Variants in TMEM131 observed in about 807,000 individuals in gnomAD.
TMEM131 encodes 2610524E03Rik.
A neutral mutation model predicts 211.6 loss-of-function variants in TMEM131; 66 were observed. That is an observed-to-expected ratio of 0.31 (90% CI 0.26 to 0.38). TMEM131 has a LOEUF of 0.38. Among genes scored for constraint, TMEM131 ranks in the 10% least tolerant of loss-of-function variants. The pLI, the probability that TMEM131 is intolerant of heterozygous loss-of-function variation, is 1.00. For missense variants in TMEM131, 2,036 were observed against 2,299.3 expected (o/e 0.89, Z 2.34); for synonymous variants, 844 against 841.3 (o/e 1.00, Z -0.06).
chr2:97,801,851 T>C (rs766482651), intron 25 of TMEM131, 44 bp downstream of exon 25: 9 of 1,391,038 alleles, frequency 6.5e-6, no homozygotes, highest in Non-Finnish European at 7.9e-6. Context: ...TTGATCATAT[T>C]ATAAAATAAT....
At chr2:97,772,533 T>C in intron 32 of TMEM131, 109 bp from the exon 33 acceptor site, 1 of 1,251,324 alleles carries the variant, frequency 8.0e-7, no homozygotes, top group Non-Finnish European at 1.1e-6. Flanking sequence ...ATACACATCA[T>C]ATACGTAAAA....
chr2:97,824,822 T>C (rs1573417557), intron 11 of TMEM131, among the ~76,000 whole-genome samples: 2 of 152,306 alleles, frequency 1.3e-5, no homozygotes, highest in African/African-American at 4.8e-5. Flanking sequence ...GCTCAAAGCT[T>C]AGTAAGGAAA....
At chr2:97,922,101 A>G (rs1167975867) in intron 2 of TMEM131, among the ~76,000 whole-genome samples, 1 of 152,204 alleles carries the variant, frequency 6.6e-6, no homozygotes, top group Non-Finnish European at 1.5e-5. Context: ...TGGTTTCAGA[A>G]TAATACTGTT....
At chr2:97,801,292 A>G (rs1449525738) in intron 25 of TMEM131, among the ~76,000 whole-genome samples, 1 of 152,254 alleles carries the variant, frequency 6.6e-6, no homozygotes, top group Non-Finnish European at 1.5e-5. Context: ...CCAAGTGTTA[A>G]GTTCCCAACA....
At chr2:97,841,975 T>C in intron 6 of TMEM131, 38 bp from the exon 7 acceptor site, 1 of 1,461,348 alleles carries the variant, frequency 6.8e-7, no homozygotes. Context: ...TTTTAGTTGC[T>C]TTTATAATTA....
intron 1 of TMEM131, among the ~76,000 whole-genome samples, chr2:97,960,773 T>A (rs1029564759): frequency 6.6e-6 from 1 of 152,070 alleles, no homozygotes; most frequent in African/African-American, 2.4e-5. Context: ...ACATAAAAAA[T>A]GCTTAAAGGT....
chr2:97,958,190 AG>A (rs1308699677), intron 1 of TMEM131, among the ~76,000 whole-genome samples: 1 of 152,158 alleles, frequency 6.6e-6, no homozygotes, highest in African/African-American at 2.4e-5. Context: ...GAGGCTGGAG[AG>A]GGGGGCAGAA....
At chr2:97,978,059 C>T (rs1238288259) in intron 1 of TMEM131, among the ~76,000 whole-genome samples, 1 of 152,012 alleles carries the variant, frequency 6.6e-6, no homozygotes, top group South Asian at 2.1e-4. Flanking sequence ...TGCACTCCAG[C>T]CTGGGTGACA....
chr2:97,868,214 A>C (rs557559779), intron 4 of TMEM131, among the ~76,000 whole-genome samples: 1 of 152,162 alleles, frequency 6.6e-6, no homozygotes, highest in East Asian at 1.9e-4. Context: ...ACTTTGTCCA[A>C]ATTAACACAG....
intron 1 of TMEM131, among the ~76,000 whole-genome samples, chr2:97,953,734 A>G (rs1161916863): frequency 1.3e-5 from 2 of 152,186 alleles, no homozygotes; most frequent in East Asian, 3.8e-4. Context: ...TGGACCATGC[A>G]CCAGGACAGA....
At chr2:97,797,007 C>T in intron 26 of TMEM131, 21 bp from the exon 27 acceptor site, 1 of 1,602,566 alleles carries the variant, frequency 6.2e-7, no homozygotes, top group East Asian at 2.2e-5. Context: ...ATGAGAATTA[C>T]AGATTTTTCT....
At chr2:97,965,132 T>A (rs1678994930) in intron 1 of TMEM131, among the ~76,000 whole-genome samples, 1 of 152,138 alleles carries the variant, frequency 6.6e-6, no homozygotes, top group Non-Finnish European at 1.5e-5. Flanking sequence ...AACATCTTGG[T>A]TCCTCTTGAA....
intron 18 of TMEM131, among the ~76,000 whole-genome samples, chr2:97,810,805 G>GT (rs1300365075): frequency 6.6e-6 from 1 of 152,118 alleles, no homozygotes. Context: ...ACAATCAGAG[G>GT]TATCTAACTC....
rs546458802 is a variant in TMEM131, at chr2:97,833,068, T to TGGC, written c.1074+294_1074+296dup. On this transcript the variant is annotated intron_variant, in intron 11 of 40. Coordinates refer to ENST00000186436, the MANE Select transcript of TMEM131 (RefSeq NM_015348.2). Reference sequence around the variant, plus strand: ...CTTATAACCTGTTTTTCTATACACATGGCCCACAGATTTTAGGATTTATCA... The same window carrying TGGC: ...CTTATAACCTGTTTTTCTATACACATGGCGGCCCACAGATTTTAGGATTTATCA... Among the ~76,000 whole-genome samples, 431 of 152,330 alleles carry TGGC rather than the reference T, an allele frequency of 2.8e-3. 2 individuals carry two copies. Among genetic ancestry groups the TGGC allele is most frequent in the African/African-American group, 0.01 (417 of 41,558 alleles).
chr2:97,942,359 G>A (rs1322554297), intron 1 of TMEM131, among the ~76,000 whole-genome samples: 1 of 151,044 alleles, frequency 6.6e-6, no homozygotes, highest in African/African-American at 2.4e-5. Flanking sequence ...ATAGCATTAG[G>A]AGAAATACCT....
intron 11 of TMEM131, 126 bp from the exon 12 acceptor site, chr2:97,818,847 G>A (rs1477366842): frequency 1.5e-5 from 9 of 606,434 alleles, no homozygotes; most frequent in African/African-American, 3.7e-5. Context: ...TTTAACTTAT[G>A]TTGTCCCTTT....
At chr2:97,801,435 T>C (rs2104923014) in intron 25 of TMEM131, among the ~76,000 whole-genome samples, 1 of 152,344 alleles carries the variant, frequency 6.6e-6, no homozygotes, top group Non-Finnish European at 1.5e-5. Flanking sequence ...AGATTATCCA[T>C]TGAGTGAAAA....
intron 10 of TMEM131, 37 bp from the exon 11 acceptor site, chr2:97,833,463 G>T: frequency 9.6e-7 from 1 of 1,042,552 alleles, no homozygotes; most frequent in East Asian, 2.7e-5. Flanking sequence ...TTCTTAAAAA[G>T]GTGCTTTTTA....
chr2:97,885,686 T>G lies in TMEM131; in HGVS notation c.359+2366A>C, dbSNP rs145468704. On this transcript the variant is annotated intron_variant, in intron 4 of 40. Coordinates refer to ENST00000186436, the MANE Select transcript of TMEM131 (RefSeq NM_015348.2). ...TTCCCTTATATGTGACTTGACACTT[T>G]TCTCTTGCTACTTTTAGAATTCTTT... Among the ~76,000 whole-genome samples, 1,295 of 152,298 alleles carry G rather than the reference T, an allele frequency of 8.5e-3. 14 individuals are homozygous for G. Among genetic ancestry groups the G allele is most frequent in the Middle Eastern group, 0.024 (7 of 294 alleles).
Sources: allele counts gnomAD v4.1 joint callset (sites outside exome capture counted in the v4.1 genomes callset), GRCh38; gene constraint gnomAD v4.1.1; transcripts MANE v1.5; gene names NCBI Gene and HGNC (gene_info 2026-07-23, HGNC 2026-07-21).